Variants in ERC2 observed in about 807,000 individuals in gnomAD.
ERC2 encodes ERC protein 2.
ERC2 carries 42 observed loss-of-function variants against 114.8 expected under a neutral mutation model. The observed-to-expected ratio is 0.37, with a 90% CI of 0.29 to 0.47. The LOEUF is 0.47. ERC2 is among the 20% of genes least tolerant of loss of function. The pLI is 0.99. For missense variants in ERC2, 939 were observed against 1,150.7 expected (o/e 0.82, Z 2.66); for synonymous variants, 454 against 425.5 (o/e 1.07, Z -0.82).
Position 55,974,385 on chromosome 3 carries a change from G to A in ERC2, c.2267+11592C>T, listed in dbSNP as rs147955255. 6.6e-4 allele frequency among the ~76,000 whole-genome samples: 101 copies of A among 152,340 alleles called. No homozygotes were observed. The East Asian group carries it at 0.019, about 28-fold the overall frequency. On this transcript the variant is annotated intron_variant, in intron 12 of 17. Transcript: ENST00000288221. Reference sequence around the variant, plus strand: ...GATACAGATACTGTGCTGCAGAGAAGTCCATCTCCCCTTCAGAGAGTTGTT... The same window carrying A: ...GATACAGATACTGTGCTGCAGAGAAATCCATCTCCCCTTCAGAGAGTTGTT...
At chr3:55,684,861 T>C (rs1334079105) in intron 16 of ERC2, among the ~76,000 whole-genome samples, 1 of 152,190 alleles carries the variant, frequency 6.6e-6, no homozygotes, top group Non-Finnish European at 1.5e-5. Context: ...AGGTCTCCAG[T>C]GAAGTCAGAT....
At chr3:55,980,514 T>C (rs1050098212) in intron 12 of ERC2, among the ~76,000 whole-genome samples, 1 of 152,198 alleles carries the variant, frequency 6.6e-6, no homozygotes, top group African/African-American at 2.4e-5. Flanking sequence ...AATGAAGTGA[T>C]AGAATTCACA....
chr3:55,883,827 G>T (rs1161474092), intron 14 of ERC2, among the ~76,000 whole-genome samples: 1 of 152,048 alleles, frequency 6.6e-6, no homozygotes, highest in Non-Finnish European at 1.5e-5. Flanking sequence ...GGCAGAGCTT[G>T]CAGTGAGCCA....
At chr3:56,217,340 C>A (rs2049557626) in intron 3 of ERC2, among the ~76,000 whole-genome samples, 1 of 152,122 alleles carries the variant, frequency 6.6e-6, no homozygotes, top group Admixed American at 6.5e-5. Context: ...TTCTTATACA[C>A]CAATAACAGA....
At chr3:56,426,806 G>A (rs1000021420) in intron 2 of ERC2, among the ~76,000 whole-genome samples, 2 of 152,122 alleles carry the variant, frequency 1.3e-5, no homozygotes, top group Non-Finnish European at 2.9e-5. Flanking sequence ...TAAGCCATAG[G>A]TTTTGAGATG....
chr3:55,695,015 T>C (rs532524774), intron 16 of ERC2, among the ~76,000 whole-genome samples: 25 of 152,160 alleles, frequency 1.6e-4, no homozygotes, highest in Non-Finnish European at 2.9e-4. Flanking sequence ...AAAACTTGTA[T>C]GATGCCTAGA....
Position 56,279,481 on chromosome 3 carries a change from G to C in ERC2, c.1074+16538C>G, listed in dbSNP as rs575330422. The stretch of plus-strand genomic sequence containing the variant: ...GGGTTAGTCAAGTGAGGATGGAGGA[G>C]GAAGGAAGCCCCAGCAGTGGGGGAG... On this transcript the variant is annotated intron_variant, in intron 3 of 17. Coordinates refer to ENST00000288221, the MANE Select transcript of ERC2 (RefSeq NM_015576.3). Among the ~76,000 whole-genome samples, 6 of 152,342 alleles carry C rather than the reference G, an allele frequency of 3.9e-5. 1 individual carries two copies. The highest frequency in any genetic ancestry group is 1.4e-4 in the African/African-American group (6 of 41,580).
chr3:56,074,421 T>C (rs929916105), intron 7 of ERC2, among the ~76,000 whole-genome samples: 2 of 152,124 alleles, frequency 1.3e-5, no homozygotes, highest in African/African-American at 4.8e-5. Context: ...ATAAAAATAA[T>C]TATTTGCATG....
At chr3:56,060,377 GA>G (rs752738547) in intron 7 of ERC2, among the ~76,000 whole-genome samples, 1 of 152,192 alleles carries the variant, frequency 6.6e-6, no homozygotes, top group South Asian at 2.1e-4. Flanking sequence ...AAAATGGGAA[GA>G]AACCCCCACC....
At chr3:56,458,814 G>T (rs2063181336) in intron 1 of ERC2, among the ~76,000 whole-genome samples, 1 of 152,022 alleles carries the variant, frequency 6.6e-6, no homozygotes, top group Non-Finnish European at 1.5e-5. Context: ...GGAAAGAAAA[G>T]ACATCAAAAA....
At chr3:55,672,397 C>G (rs2061598584) in intron 17 of ERC2, among the ~76,000 whole-genome samples, 1 of 151,804 alleles carries the variant, frequency 6.6e-6, no homozygotes, top group Non-Finnish European at 1.5e-5. Context: ...TGAGGAACAC[C>G]TTAGGGAATT....
intron 7 of ERC2, among the ~76,000 whole-genome samples, chr3:56,059,251 C>T (rs113443158): frequency 8.0e-4 from 121 of 152,060 alleles, no homozygotes; most frequent in African/African-American, 2.8e-3. Flanking sequence ...CCAACATGCC[C>T]GGCTAATTTT....
At chr3:56,104,796 T>A (rs1390588575) in intron 6 of ERC2, among the ~76,000 whole-genome samples, 1 of 152,028 alleles carries the variant, frequency 6.6e-6, no homozygotes, top group African/African-American at 2.4e-5. Flanking sequence ...GTTCTGGATG[T>A]TAGGAATATC....
Position 55,735,437 on chromosome 3 carries a change from G to A in ERC2, c.2565-519C>T, listed in dbSNP as rs1164847484. On this transcript the variant is annotated intron_variant, in intron 14 of 17. Coordinates refer to ENST00000288221, the MANE Select transcript of ERC2 (RefSeq NM_015576.3). ...AAAGTAGAAGGACAAGTGAGCAAGT[G>A]TGAAAGAGACCAAAGTAGAAGGACA... 3.9e-5 allele frequency among the ~76,000 whole-genome samples: 6 copies of A among 152,258 alleles called. No individual in the cohort carries two copies. In the East Asian group the frequency reaches 1.2e-3, roughly 29 times the overall value.
rs538126663 is a variant in ERC2 at position 56,350,365 on chromosome 3, G to A, written c.658-53930C>T. 5.9e-5 allele frequency among the ~76,000 whole-genome samples: 9 copies of A among 152,294 alleles called. No homozygotes were observed. In the East Asian group the frequency reaches 9.7e-4, roughly 16 times the overall value. On this transcript the variant is annotated intron_variant, in intron 2 of 17. Transcript: ENST00000288221. ...AAATGGCCTCTGCAGAGTTCACACG[G>A]TTGGCATATGAGCCTTATTCATATA...
In ERC2 at chr3:55,640,034, C is replaced by T. The variant is rs917119370; in HGVS notation, c.*39+43760G>A. ...ATGTCGGAGGGAGCAGCTTAACGAG[C>T]GCTGCCTGGGGAAGCTTGCTCTGCA... On this transcript the variant is annotated intron_variant, in intron 17 of 17. Coordinates refer to ENST00000288221, the MANE Select transcript of ERC2 (RefSeq NM_015576.3). Among the ~76,000 whole-genome samples the T allele has an allele frequency of 1.2e-4, 18 of 151,638 alleles. 1 individual carries two copies. Among genetic ancestry groups the T allele is most frequent in the Admixed American group, 8.5e-4 (13 of 15,274 alleles).
chr3:55,942,605 G>A (rs2066885641), intron 13 of ERC2, among the ~76,000 whole-genome samples: 1 of 151,284 alleles, frequency 6.6e-6, no homozygotes, highest in Admixed American at 6.6e-5. Flanking sequence ...CCCGTCTAAG[G>A]TCCTTTCTAG....
intron 7 of ERC2, among the ~76,000 whole-genome samples, chr3:56,048,274 T>C (rs527816928): frequency 6.6e-6 from 1 of 152,318 alleles, no homozygotes; most frequent in African/African-American, 2.4e-5. Context: ...TGCCAGGCAC[T>C]GTTTGCTGAT....
chr3:55,860,027 C>T (rs907828631), intron 14 of ERC2, among the ~76,000 whole-genome samples: 1 of 152,116 alleles, frequency 6.6e-6, no homozygotes, highest in Non-Finnish European at 1.5e-5. Flanking sequence ...TTGCTATGGA[C>T]AATTAGCCTT....
Sources: gnomAD v4.1 joint callset for allele counts (sites outside exome capture counted in the v4.1 genomes callset) on GRCh38, gnomAD v4.1.1 for gene constraint, MANE v1.5 for transcripts, NCBI Gene and HGNC (gene_info 2026-07-23, HGNC 2026-07-21) for gene names.